Variants in MEP1A observed in about 807,000 individuals in gnomAD.
MEP1A encodes the protein meprin A subunit alpha.
Under a neutral mutation model 84.5 loss-of-function variants are expected in MEP1A, and 68 were observed. The observed-to-expected ratio is 0.80, with a 90% confidence interval of 0.66 to 0.98. The LOEUF is 0.98. Among genes scored for constraint, MEP1A ranks in the 50% least tolerant of loss-of-function variants. The probability of loss-of-function intolerance (pLI) is 0.00; values close to 1 mark genes in which losing one functional copy is unlikely to be tolerated. For synonymous variants in MEP1A, 337 were observed against 336.8 expected (o/e 1.00, Z -0.01); for missense variants, 887 against 919.9 (o/e 0.96, Z 0.46).
At chr6:46,796,824 C>A (rs1351587153) in intron 3 of MEP1A, among the ~76,000 whole-genome samples, 3 of 152,178 alleles carry the variant, frequency 2.0e-5, no homozygotes, top group Admixed American at 2.0e-4. Flanking sequence ...CCATTATAAT[C>A]CAGGCCAGGT....
chr6:46,825,425 C>T lies in MEP1A; in HGVS notation c.710C>T (p.Ser237Phe), dbSNP rs1433585488. 6.2e-7 allele frequency: 1 copy of T among 1,613,874 alleles called. No homozygotes were observed. The highest frequency in any genetic ancestry group is 1.7e-4 in the Middle Eastern group (1 of 6,060). The change falls in exon 8 of 14, where the codon TCC (serine) becomes TTC (phenylalanine). Residue 237 changes from serine (S) to phenylalanine (F), a missense_variant. By Grantham distance (155) the Ser-to-Phe change is radical. Transcript: ENST00000230588. ...ACAGCCAAGATCCCTGAGTTTAACTCCATTATCGGACAGCGCCTGGATTTC... is the reference window on the plus strand; with the variant it reads ...ACAGCCAAGATCCCTGAGTTTAACTTCATTATCGGACAGCGCCTGGATTTC... Reference protein sequence around the residue: ...TITAKIPEFNSIIGQRLDFSA... With the variant: ...TITAKIPEFNFIIGQRLDFSA...
chr6:46,820,662 A>G (rs756190735), intron 7 of MEP1A, among the ~76,000 whole-genome samples: 1 of 152,176 alleles, frequency 6.6e-6, no homozygotes, highest in Non-Finnish European at 1.5e-5. Context: ...TGCTGGGATT[A>G]CAGGCATGAG....
intron 10 of MEP1A, among the ~76,000 whole-genome samples, chr6:46,832,299 C>T (rs1374147911): frequency 6.6e-6 from 1 of 152,218 alleles, no homozygotes; most frequent in African/African-American, 2.4e-5. Flanking sequence ...GCAGTTTCCT[C>T]TCTCCAGTAC....
chr6:46,835,526 C>A lies in MEP1A; in HGVS notation c.2061C>A (p.Asn687Lys). 2.5e-6 allele frequency: 4 copies of A among 1,613,614 alleles called. No individual in the cohort carries two copies. Among genetic ancestry groups the A allele is most frequent in the South Asian group, 1.1e-5 (1 of 90,980 alleles). ...NPCQNDGICV[N>K]VKGMASCRCI... ...GCCAAAATGACGGCATCTGTGTGAA[C>A]GTGAAGGGGATGGCGAGCTGCAGGT... The change falls in exon 13 of 14, where the codon AAC becomes AAA. Residue 687 changes from asparagine to lysine, a missense_variant. Physicochemically the swap from Asn to Lys is moderately conservative, Grantham distance 94. Coordinates refer to ENST00000230588, the MANE Select transcript of MEP1A (RefSeq NM_005588.3).
At chr6:46,842,353 T>A (rs1007819988), downstream of MEP1A, among the ~76,000 whole-genome samples, 3 of 152,172 alleles carry the variant, frequency 2.0e-5, no homozygotes, top group Admixed American at 2.0e-4. Flanking sequence ...TAAATGGACA[T>A]GCAAATAGGA....
At position 46,833,531 on chromosome 6, in the gene MEP1A, A is replaced by G. The variant is rs1279710529; in HGVS notation, c.1602A>G (p.Thr534=). 6 of 1,613,304 alleles carry G rather than the reference A, an allele frequency of 3.7e-6. No individual in the cohort carries two copies. Among genetic ancestry groups the G allele is most frequent in the African/African-American group, 1.3e-5 (1 of 75,020 alleles). Residue 534 remains threonine, a synonymous_variant, in exon 11 of 14, where the codon ACA becomes ACG. Transcript: ENST00000230588. ...SMVFTTSKSH[T]SPAINDTVIW... is the part of the protein sequence containing the mutation. ...TGTTCACTACCTCGAAGTCGCACAC[A>G]TCTCCAGGTGGGTGGTGTCAGCGCA...
At chr6:46,794,405 A>G (rs1400142104) in intron 3 of MEP1A, among the ~76,000 whole-genome samples, 1 of 152,224 alleles carries the variant, frequency 6.6e-6, no homozygotes, top group Admixed American at 6.5e-5. Context: ...TTATTTGTCC[A>G]GTCTTGTCGT....
intron 5 of MEP1A, among the ~76,000 whole-genome samples, chr6:46,804,739 G>A (rs552115016): frequency 6.6e-6 from 1 of 151,764 alleles, no homozygotes; most frequent in East Asian, 1.9e-4. Context: ...GATGGAACAT[G>A]TTTATAATGT....
chr6:46,807,507 T>TGAAAGAAAGAAAGAAA (rs1562106532), intron 5 of MEP1A, among the ~76,000 whole-genome samples: 3 of 74,530 alleles, frequency 4.0e-5, no homozygotes, highest in African/African-American at 5.2e-5. Flanking sequence ...GACCCCCATC[T>TGAAAGAAAGAAAGAAA]GAAATAAAGA....
chr6:46,810,450 A>G (rs2150745516), intron 6 of MEP1A, among the ~76,000 whole-genome samples: 1 of 152,148 alleles, frequency 6.6e-6, no homozygotes, highest in East Asian at 1.9e-4. Flanking sequence ...TTCTTTTGCC[A>G]TGCAGAAGCT....
chr6:46,806,559 C>T (rs1395711190), intron 5 of MEP1A, among the ~76,000 whole-genome samples: 1 of 152,010 alleles, frequency 6.6e-6, no homozygotes, highest in African/African-American at 2.4e-5. Context: ...CTGCAGTGGG[C>T]AGCAACTGAT....
Position 46,839,208 on chromosome 6 carries a change from G to A in MEP1A, c.*72G>A. ...AGGCCTTAACTTTCCCATGGTCAAT[G>A]CAGTTTTTATCAGCCTTGCTTTGGA... On this transcript the variant is annotated 3_prime_UTR_variant, in exon 14 of 14. Coordinates refer to ENST00000230588, the MANE Select transcript of MEP1A (RefSeq NM_005588.3). 1.0e-6 allele frequency: 1 copy of A among 971,708 alleles called. No individual in the cohort carries two copies. The highest frequency in any genetic ancestry group is 1.4e-6 in the Non-Finnish European group (1 of 715,070). The allele number at this position is 971,708 out of a possible 1,614,324, so 60.2% of individuals were successfully genotyped here. A position where few individuals can be genotyped will look rare whatever the true frequency, so the allele number is the denominator to read the frequency against.
chr6:46,809,534 A>G lies in MEP1A; in HGVS notation c.377A>G (p.Asp126Gly). The G allele has an allele frequency of 1.3e-6, 2 of 1,581,548 alleles. No individual in the cohort carries two copies. Among genetic ancestry groups the G allele is most frequent in the Non-Finnish European group, 1.7e-6 (2 of 1,155,782 alleles). The change falls in exon 6 of 14, where the codon GAT becomes GGT. Residue 126 changes from aspartate to glycine, a missense_variant. Transcript: ENST00000230588. ...ESSYIIFQQFDGCWSEVGDQH... is the reference protein window; with the variant it reads ...ESSYIIFQQFGGCWSEVGDQH... ...TCATATATCATATTTCAACAGTTTG[A>G]TGGGTTGGTATGAAATTTTACGGAG...
At chr6:46,818,281 A>G (rs1166479869) in intron 6 of MEP1A, among the ~76,000 whole-genome samples, 1 of 152,214 alleles carries the variant, frequency 6.6e-6, no homozygotes, top group Non-Finnish European at 1.5e-5. Context: ...ACTAAGATTC[A>G]TCTTTGAGTA....
At chr6:46,841,213 C>A (rs2150760774), downstream of MEP1A, among the ~76,000 whole-genome samples, 1 of 152,210 alleles carries the variant, frequency 6.6e-6, no homozygotes, top group East Asian at 1.9e-4. Context: ...TAAGGAGGTA[C>A]CAGAATGAGG....
At chr6:46,845,248 A>C in the MEP1A span, among the ~76,000 whole-genome samples, 1 of 152,210 alleles carries the variant, frequency 6.6e-6, no homozygotes, top group African/African-American at 2.4e-5. Flanking sequence ...ACCTTTCCTA[A>C]AGGAGTCTTG....
chr6:46,831,198 T>G (rs1768066962), intron 10 of MEP1A, among the ~76,000 whole-genome samples: 1 of 152,244 alleles, frequency 6.6e-6, no homozygotes, highest in Non-Finnish European at 1.5e-5. Flanking sequence ...TATCACTTAG[T>G]GTTGTTTATG....
At position 46,829,341 on chromosome 6, in the gene MEP1A, C is replaced by G. The variant is rs766309834; in HGVS notation, c.929-15C>G. On this transcript the variant is annotated splice_polypyrimidine_tract_variant and intron_variant, in intron 9 of 13. Coordinates refer to ENST00000230588, the MANE Select transcript of MEP1A (RefSeq NM_005588.3). Reference sequence around the variant, plus strand: ...GGGAAGCCAGACGTGTGATGTTTGGCTGCTCTTTCCATAGGTGCCGGCTAC... The same window carrying G: ...GGGAAGCCAGACGTGTGATGTTTGGGTGCTCTTTCCATAGGTGCCGGCTAC... The G allele has an allele frequency of 3.7e-6, 6 of 1,610,376 alleles. No individual in the cohort carries two copies. The highest frequency in any genetic ancestry group is 1.1e-5 in the South Asian group (1 of 90,924).
chr6:46,824,947 ATATTTAAATAGATC>A (rs1348300285), intron 7 of MEP1A, among the ~76,000 whole-genome samples: 2 of 125,390 alleles, frequency 1.6e-5, no homozygotes, highest in African/African-American at 3.0e-5. Context: ...TATAAATTAT[ATATTTAAATAGATC>A]TATTTAAATA....
Sources: allele counts gnomAD v4.1 joint callset (sites outside exome capture counted in the v4.1 genomes callset), GRCh38; gene constraint gnomAD v4.1.1; transcripts MANE v1.5; gene names NCBI Gene and HGNC (gene_info 2026-07-23, HGNC 2026-07-21).